ATP9A: variants seen among roughly 807,000 people sequenced by gnomAD.
The protein encoded by ATP9A is ATPase phospholipid transporting 9A.
In ATP9A, 52 loss-of-function variants were observed where a neutral mutation model predicts 144.1. The observed-to-expected ratio is 0.36, with a 90% CI of 0.29 to 0.45. ATP9A has a LOEUF of 0.45. Ranked by LOEUF, ATP9A falls within the 20% of genes least tolerant of loss-of-function variation. The pLI, the probability that ATP9A is intolerant of heterozygous loss-of-function variation, is 1.00. For synonymous variants in ATP9A, 582 were observed against 557.4 expected, an observed-to-expected ratio of 1.04 and a Z score of -0.62; for missense variants, 947 against 1,392.7, an observed-to-expected ratio of 0.68 and a Z score of 5.09.
intron 8 of ATP9A, 144 bp from the exon 9 acceptor site, chr20:51,689,283 C>G: frequency 1.4e-6 from 1 of 704,294 alleles, no homozygotes; most frequent in South Asian, 1.9e-5. Context: ...GACGGCTCCA[C>G]CATGAGGGGA....
chr20:51,626,757 G>C (rs1294420904), intron 17 of ATP9A, among the ~76,000 whole-genome samples: 1 of 151,956 alleles, frequency 6.6e-6, no homozygotes, highest in Non-Finnish European at 1.5e-5. Context: ...TAACTACTAA[G>C]GATATAAGAA....
At position 51,617,594 on chromosome 20, in the gene ATP9A, C is replaced by T. The variant is rs980435122; in HGVS notation, c.2351-40G>A. Reference sequence around the variant, plus strand: ...GACCAGAGAGAAAAGATGTTTCATTCTTACCTTAACCAAGAATGTATGCTT... The same window carrying T: ...GACCAGAGAGAAAAGATGTTTCATTTTTACCTTAACCAAGAATGTATGCTT... On this transcript the variant is annotated intron_variant, in intron 21 of 27. Coordinates refer to ENST00000338821, the MANE Select transcript of ATP9A (RefSeq NM_006045.3). 3.1e-6 allele frequency: 5 copies of T among 1,596,382 alleles called. No individual in the cohort carries two copies. The African/African-American group carries it at 5.4e-5, about 17-fold the overall frequency.
intron 11 of ATP9A, among the ~76,000 whole-genome samples, chr20:51,671,852 G>A (rs2077457412): frequency 6.6e-6 from 1 of 151,868 alleles, no homozygotes; most frequent in Non-Finnish European, 1.5e-5. Context: ...AGGCTGGAGT[G>A]CAGTGGTGCT....
intron 14 of ATP9A, among the ~76,000 whole-genome samples, chr20:51,641,180 G>A (rs1261785725): frequency 2.0e-5 from 3 of 152,006 alleles, no homozygotes; most frequent in Non-Finnish European, 2.9e-5. Context: ...TCAACATGGT[G>A]AAATCCAGTC....
chr20:51,623,393 C>G (rs560594254), intron 18 of ATP9A, among the ~76,000 whole-genome samples: 2 of 152,268 alleles, frequency 1.3e-5, no homozygotes, highest in East Asian at 3.9e-4. Context: ...CAGCTCCAGT[C>G]CCGGCTCTGC....
chr20:51,750,819 A>C (rs1466790226), intron 1 of ATP9A, among the ~76,000 whole-genome samples: 1 of 152,178 alleles, frequency 6.6e-6, no homozygotes, highest in Non-Finnish European at 1.5e-5. Context: ...TCAATTGTCT[A>C]GATGGCAACC....
At chr20:51,717,169 C>CAAAAA (rs10577089) in intron 3 of ATP9A, among the ~76,000 whole-genome samples, 1 of 101,548 alleles carries the variant, frequency 9.8e-6, no homozygotes, top group African/African-American at 4.2e-5. Context: ...AAGACTGCCT[C>CAAAAA]AAAAAAAAAA....
At position 51,674,164 on chromosome 20, in the gene ATP9A, G is replaced by A. The variant is rs1356928117; in HGVS notation, c.1026C>T (p.Ile342=). 6.2e-7 allele frequency: 1 copy of A among 1,614,030 alleles called. No individual in the cohort carries two copies. The highest frequency in any genetic ancestry group is 1.7e-5 in the Admixed American group (1 of 59,990). The change falls in exon 11 of 28, where the codon ATC becomes ATT. Residue 342 remains isoleucine, a synonymous_variant. Coordinates refer to ENST00000338821, the MANE Select transcript of ATP9A (RefSeq NM_006045.3). ...CGTCGCCTGCTTACCTAATGGGGAT[G>A]ATGTTGGAAAACAAGAGGAGGAAGC... ...IIRFLLLFSN[I]IPISLRVNLD... is the part of the protein sequence containing the mutation.
intron 1 of ATP9A, among the ~76,000 whole-genome samples, chr20:51,747,448 A>G (rs933348667): frequency 6.6e-6 from 1 of 152,202 alleles, no homozygotes; most frequent in Non-Finnish European, 1.5e-5. Context: ...ATTTGTACCA[A>G]TTGCAAGAAG....
At chr20:51,726,313 CAAAAAAAAAAAA>C (rs11476208) in intron 2 of ATP9A, among the ~76,000 whole-genome samples, 31 of 70,784 alleles carry the variant, frequency 4.4e-4, no homozygotes, top group African/African-American at 1.2e-3. Flanking sequence ...AACTCTGTCT[CAAAAAAAAAAAA>C]AAAAAAAAAA....
intron 3 of ATP9A, among the ~76,000 whole-genome samples, chr20:51,719,284 C>T (rs2077677752): frequency 6.6e-6 from 1 of 152,090 alleles, no homozygotes. Flanking sequence ...AAGGGACAGC[C>T]TGAACATACA....
chr20:51,744,822 G>C (rs1375419242), intron 1 of ATP9A, among the ~76,000 whole-genome samples: 1 of 152,172 alleles, frequency 6.6e-6, no homozygotes, highest in East Asian at 1.9e-4. Flanking sequence ...GCAGATCCAA[G>C]AAGAACATGA....
At chr20:51,613,881 C>A in intron 22 of ATP9A, 49 bp from the exon 23 acceptor site, 1 of 1,523,694 alleles carries the variant, frequency 6.6e-7, no homozygotes, top group Non-Finnish European at 8.8e-7. Flanking sequence ...GAGGTCAGGG[C>A]AAACACATTT....
intron 8 of ATP9A, among the ~76,000 whole-genome samples, chr20:51,689,535 T>A (rs62231471): frequency 0.23 from 34,910 of 151,348 alleles, 4,797 homozygotes; most frequent in East Asian, 0.48. Context: ...CCCATATTCC[T>A]AAAATAATTT....
At position 51,741,306 on chromosome 20, in the gene ATP9A, C is replaced by T. The variant is rs115624826; in HGVS notation, c.69-11328G>A. Among the ~76,000 whole-genome samples, 1,374 of 152,286 alleles carry T rather than the reference C, an allele frequency of 9.0e-3. 14 individuals carry two copies. The highest frequency in any genetic ancestry group is 0.032 in the African/African-American group (1,310 of 41,554). On this transcript the variant is annotated intron_variant, in intron 1 of 27. Transcript: ENST00000338821. ...TAGTAAGTGGAGCTCACAGGCCAGGCGCGGTGGCTCACGCCTGTAATCCCA... is the reference window on the plus strand; with the variant it reads ...TAGTAAGTGGAGCTCACAGGCCAGGTGCGGTGGCTCACGCCTGTAATCCCA...
At chr20:51,641,424 G>C (rs935648341) in intron 14 of ATP9A, among the ~76,000 whole-genome samples, 8 of 152,092 alleles carry the variant, frequency 5.3e-5, no homozygotes, top group Admixed American at 1.3e-4. Flanking sequence ...AAGAGGTTGA[G>C]GTGGGAGGAT....
chr20:51,712,046 G>A (rs923853189), intron 4 of ATP9A, among the ~76,000 whole-genome samples: 1 of 149,730 alleles, frequency 6.7e-6, no homozygotes, highest in African/African-American at 2.5e-5. Context: ...AGCAGAGACA[G>A]GGTTTCCACC....
At chr20:51,698,473 C>A (rs2077579616) in intron 4 of ATP9A, among the ~76,000 whole-genome samples, 1 of 152,164 alleles carries the variant, frequency 6.6e-6, no homozygotes, top group African/African-American at 2.4e-5. Context: ...TGCAGTGAGC[C>A]GTGATCATGT....
intron 1 of ATP9A, among the ~76,000 whole-genome samples, chr20:51,750,046 T>C (rs1156511337): frequency 6.6e-6 from 1 of 152,106 alleles, no homozygotes; most frequent in Admixed American, 6.6e-5. Context: ...TCCCAGCTAC[T>C]TGGGAGGCTG....
Sources: allele counts gnomAD v4.1 joint callset (sites outside exome capture counted in the v4.1 genomes callset), GRCh38; gene constraint gnomAD v4.1.1; transcripts MANE v1.5; gene names NCBI Gene and HGNC (gene_info 2026-07-23, HGNC 2026-07-21).